LIMS2: variants seen among roughly 807,000 people sequenced by gnomAD.
LIMS2 encodes the protein LIM zinc finger domain containing 2, also known as LIM and senescent cell antigen-like-containing domain protein 2.
LIMS2 carries 30 observed loss-of-function variants against 45.3 expected under a neutral mutation model. That is an observed-to-expected ratio of 0.66 (90% CI 0.50 to 0.90). LIMS2 has a LOEUF of 0.90. Ranked by LOEUF, LIMS2 falls within the 40% of genes least tolerant of loss-of-function variation. LIMS2 has a pLI of 0.00. For synonymous variants in LIMS2, 173 were observed against 188.0 expected, an observed-to-expected ratio of 0.92 and a Z score of 0.65; for missense variants, 485 against 468.7, an observed-to-expected ratio of 1.03 and a Z score of -0.32.
intron 1 of LIMS2, among the ~76,000 whole-genome samples, chr2:127,658,016 A>G (rs1476153200): frequency 6.6e-6 from 1 of 152,204 alleles, no homozygotes; most frequent in Non-Finnish European, 1.5e-5. Context: ...CCATGGTTCC[A>G]TCCTCTGCAC....
At position 127,668,714 on chromosome 2, in the gene LIMS2, C is replaced by A. The variant is rs13403300; in HGVS notation, c.11+6300G>T. Among the ~76,000 whole-genome samples, 34 of 59,534 alleles carry A rather than the reference C, an allele frequency of 5.7e-4. 1 individual carries two copies. Among genetic ancestry groups the A allele is most frequent in the African/African-American group, 1.7e-3 (26 of 15,306 alleles). The allele number at this position is 59,534 out of a possible 152,430, so 39.1% of individuals were successfully genotyped here. Reference sequence around the variant, plus strand: ...AAAAAAAAAAAAAAAAAAAAAAACACCTTACTTAAAAATTACAATTTACTT... The same window carrying A: ...AAAAAAAAAAAAAAAAAAAAAAACAACTTACTTAAAAATTACAATTTACTT... On this transcript the variant is annotated intron_variant, in intron 1 of 9. Coordinates refer to ENST00000355119, the MANE Select transcript of LIMS2 (RefSeq NM_001161403.3).
chr2:127,644,247 C>A (rs928602726), intron 4 of LIMS2: 1 of 376,794 alleles, frequency 2.7e-6, no homozygotes, highest in Non-Finnish European at 5.4e-6. Flanking sequence ...CAGCAGGGGG[C>A]AACAGCTCAG....
Position 127,639,324 on chromosome 2 carries a change from G to A in LIMS2, c.983C>T (p.Ser328Phe), listed in dbSNP as rs749084508. The A allele has an allele frequency of 1.9e-6, 3 of 1,613,832 alleles. No individual in the cohort carries two copies. The highest frequency in any genetic ancestry group is 2.2e-5 in the South Asian group (2 of 91,092). ...KRLKKLSELT[S>F]RKAQPKATDL... The stretch of plus-strand genomic sequence containing the variant: ...TGTGGCCTTGGGCTGGGCCTTGCGG[G>A]AGGTCAGCTCCGACAGCTTCTTCAG... The change falls in exon 10 of 10, where the codon TCC becomes TTC. Residue 328 changes from serine to phenylalanine, a missense_variant. By Grantham distance (155) the Ser-to-Phe change is radical. Coordinates refer to ENST00000355119, the MANE Select transcript of LIMS2 (RefSeq NM_001161403.3).
At chr2:127,674,703 C>T (rs1685426451) in intron 1 of LIMS2, 3 of 985,334 alleles carry the variant, frequency 3.0e-6, no homozygotes, top group Non-Finnish European at 1.2e-6. Flanking sequence ...TGGTTGGTGT[C>T]TGACCTTGGA....
At chr2:127,670,460 G>A (rs1685225050) in intron 1 of LIMS2, among the ~76,000 whole-genome samples, 1 of 152,200 alleles carries the variant, frequency 6.6e-6, no homozygotes, top group Non-Finnish European at 1.5e-5. Flanking sequence ...GGTTACTGGT[G>A]GCCAGGGCTG....
Position 127,642,976 on chromosome 2 carries a change from G to A in LIMS2, c.456C>T (p.Leu152=). The A allele has an allele frequency of 1.3e-6, 2 of 1,573,138 alleles. No individual in the cohort carries two copies. Among genetic ancestry groups the A allele is most frequent in the Non-Finnish European group, 1.7e-6 (2 of 1,159,256 alleles). Residue 152 remains leucine, a synonymous_variant, in exon 5 of 10, where the codon CTC becomes CTT. Coordinates refer to ENST00000355119, the MANE Select transcript of LIMS2 (RefSeq NM_001161403.3). This position sits in a 1 kb window ranked among gnomAD's most constrained non-coding sequence, Gnocchi z 5.3. ...GGTGGTAGGCGTCGCTCCTGAACAT[G>A]AGGGGCTGCTCGTCGATGACCAGGT... ...RCHLVIDEQP[L]MFRSDAYHPD...
intron 1 of LIMS2, among the ~76,000 whole-genome samples, chr2:127,681,064 A>G (rs1685601000): frequency 6.6e-6 from 1 of 152,162 alleles, no homozygotes; most frequent in Non-Finnish European, 1.5e-5. Flanking sequence ...CAGGGGAAAG[A>G]GCAGCTGCCC....
chr2:127,649,165 T>TAGGAAGGAAGGAAGGA (rs376330379), intron 4 of LIMS2, among the ~76,000 whole-genome samples: 1,698 of 134,296 alleles, frequency 0.013, 23 homozygotes, highest in East Asian at 0.031. Flanking sequence ...GAGAGGAAGG[T>TAGGAAGGAAGGAAGGA]AGGAAGGAAG....
In LIMS2 at chr2:127,675,312, G is replaced by A. The variant is rs1685463351; in HGVS notation, c.-288C>T. The A allele has an allele frequency of 7.5e-6, 1 of 133,570 alleles. No individual in the cohort carries two copies. Among genetic ancestry groups the A allele is most frequent in the Non-Finnish European group, 1.5e-5 (1 of 64,672 alleles). The allele number at this position is 133,570 out of a possible 1,614,324, so 8.3% of individuals were successfully genotyped here. ...GTGGGGGTGGGGGTGGCAGGTGGGG[G>A]TGGCGGCGGGTAGGGTTGGAGGGGT... On this transcript the variant is annotated 5_prime_UTR_variant, in exon 1 of 10. Transcript: ENST00000355119.
At position 127,647,251 on chromosome 2, in the gene LIMS2, G is replaced by C. The variant is rs3771296; in HGVS notation, c.360-4179C>G. Among the ~76,000 whole-genome samples, 54,974 of 152,082 alleles carry C rather than the reference G, an allele frequency of 0.36. 10,561 individuals carry two copies. The highest frequency in any genetic ancestry group is 0.42 in the Non-Finnish European group (28,567 of 67,936). On this transcript the variant is annotated intron_variant, in intron 4 of 9. Coordinates refer to ENST00000355119, the MANE Select transcript of LIMS2 (RefSeq NM_001161403.3). The surrounding 1 kb of genome is among the most constrained non-coding windows in gnomAD (Gnocchi z 4.3). ...GAGGGAGTGGCCCCAGGGCCAGGAG[G>C]GGGTGCTGAGCCTGGGAGACAACTC...
intron 6 of LIMS2, 163 bp from the exon 7 acceptor site, chr2:127,641,151 T>G: frequency 1.6e-6 from 1 of 609,912 alleles, no homozygotes; most frequent in Non-Finnish European, 3.0e-6. Context: ...AAGCAGAGTC[T>G]GGGCAGGTGC....
Position 127,664,689 on chromosome 2 carries a change from C to G in LIMS2, c.12-7127G>C. 2.2e-6 allele frequency: 2 copies of G among 909,666 alleles called. No homozygotes were observed. The highest frequency in any genetic ancestry group is 2.7e-6 in the Non-Finnish European group (2 of 742,742). 56.3% of individuals were successfully genotyped at this position (909,666 alleles called of 1,614,324 possible). On this transcript the variant is annotated intron_variant, in intron 1 of 9. Coordinates refer to ENST00000355119, the MANE Select transcript of LIMS2 (RefSeq NM_001161403.3). The surrounding 1 kb of genome is among the most constrained non-coding windows in gnomAD (Gnocchi z 5.5). The stretch of plus-strand genomic sequence containing the variant: ...TGGTCTGGGAAGGCCCCAGACAGCA[C>G]TGAGGTGAGGTCCACAGTGGCGGCA...
At chr2:127,680,151 G>T (rs55768871), upstream of LIMS2, among the ~76,000 whole-genome samples, 12 of 152,258 alleles carry the variant, frequency 7.9e-5, no homozygotes, top group Admixed American at 1.3e-4. Flanking sequence ...AACCCCCCGG[G>T]GGGGAGCGGG....
chr2:127,676,122 T>C (rs1159555570), upstream of LIMS2, among the ~76,000 whole-genome samples: 3 of 152,220 alleles, frequency 2.0e-5, no homozygotes, highest in African/African-American at 4.8e-5. Context: ...AAGGCAGATA[T>C]TTCCAGCTGG....
Position 127,667,228 on chromosome 2 carries a change from T to G in LIMS2, c.11+7786A>C, listed in dbSNP as rs1197169727. 6.6e-6 allele frequency among the ~76,000 whole-genome samples: 1 copy of G among 152,100 alleles called. No individual in the cohort carries two copies. Among genetic ancestry groups the G allele is most frequent in the East Asian group, 1.9e-4 (1 of 5,176 alleles). ...ATCACTTGAACCTGGAAGGCGGAGG[T>G]TGCAGTGAGCTGAGATCACGCCACT... On this transcript the variant is annotated intron_variant, in intron 1 of 9. Transcript: ENST00000355119. The surrounding 1 kb of genome is among the most constrained non-coding windows in gnomAD (Gnocchi z 4.1).
intron 1 of LIMS2, among the ~76,000 whole-genome samples, chr2:127,680,880 C>T (rs1685598056): frequency 6.6e-6 from 1 of 152,172 alleles, no homozygotes; most frequent in African/African-American, 2.4e-5. Flanking sequence ...ATTTTAACAC[C>T]TCAACACATC....
Position 127,642,851 on chromosome 2 carries a change from C to A in LIMS2, c.509+72G>T. The A allele has an allele frequency of 6.7e-7, 1 of 1,485,764 alleles. No homozygotes were observed. Among genetic ancestry groups the A allele is most frequent in the Non-Finnish European group, 9.1e-7 (1 of 1,102,218 alleles). The allele number at this position is 1,485,764 out of a possible 1,614,324, so 92.0% of individuals were successfully genotyped here. On this transcript the variant is annotated intron_variant, in intron 5 of 9. Transcript: ENST00000355119. This position sits in a 1 kb window ranked among gnomAD's most constrained non-coding sequence, Gnocchi z 5.3. The stretch of plus-strand genomic sequence containing the variant: ...TCCTCAACACTTCCCCAGGTGGAGG[C>A]CCCACCGCCCTTACCCTGGGCCAGC...
At position 127,672,995 on chromosome 2, in the gene LIMS2, G is replaced by A. The variant is rs986053179; in HGVS notation, c.11+2019C>T. On this transcript the variant is annotated intron_variant, in intron 1 of 9. Coordinates refer to ENST00000355119, the MANE Select transcript of LIMS2 (RefSeq NM_001161403.3). The surrounding 1 kb of genome is among the most constrained non-coding windows in gnomAD (Gnocchi z 4.9). ...GAAGGGCACCCAGCATGAAACGGTG[G>A]AAATGAAACTCCACTGCTTCTGGGA... Among the ~76,000 whole-genome samples, 2 of 152,212 alleles carry A rather than the reference G, an allele frequency of 1.3e-5. No individual in the cohort carries two copies. Among genetic ancestry groups the A allele is most frequent in the South Asian group, 4.1e-4 (2 of 4,826 alleles).
rs1281367947 is a variant in LIMS2, at chr2:127,647,548, C to A, written c.360-4476G>T. Among the ~76,000 whole-genome samples the A allele has an allele frequency of 1.3e-5, 2 of 152,166 alleles. No individual in the cohort carries two copies. The highest frequency in any genetic ancestry group is 2.9e-5 in the Non-Finnish European group (2 of 68,008). Reference sequence around the variant, plus strand: ...CTCGTGGGGCCAGGTGATGCCTGCACTGTGGGGCACAGCACAGGCCTGAGG... The same window carrying A: ...CTCGTGGGGCCAGGTGATGCCTGCAATGTGGGGCACAGCACAGGCCTGAGG... On this transcript the variant is annotated intron_variant, in intron 4 of 9. Coordinates refer to ENST00000355119, the MANE Select transcript of LIMS2 (RefSeq NM_001161403.3). This position sits in a 1 kb window ranked among gnomAD's most constrained non-coding sequence, Gnocchi z 4.3.
Sources: allele counts gnomAD v4.1 joint callset (sites outside exome capture counted in the v4.1 genomes callset), GRCh38; gene constraint gnomAD v4.1.1; non-coding constraint Gnocchi (gnomAD v3.1); transcripts MANE v1.5; gene names NCBI Gene and HGNC (gene_info 2026-07-23, HGNC 2026-07-21).